Variants in TMEM117 observed in about 807,000 individuals in gnomAD.
TMEM117 encodes the protein transmembrane protein 117.
TMEM117 carries 27 observed loss-of-function variants against 52.4 expected under a neutral mutation model. That is an observed-to-expected ratio of 0.51 (90% CI 0.38 to 0.71). The LOEUF is 0.71. TMEM117 is among the 30% of genes least tolerant of loss of function. The pLI is 0.00. For missense variants in TMEM117, 556 were observed against 630.5 expected (o/e 0.88, Z 1.26); for synonymous variants, 215 against 206.3 (o/e 1.04, Z -0.36).
At chr12:44,055,910 A>G (rs1278950985) in intron 3 of TMEM117, among the ~76,000 whole-genome samples, 2 of 152,124 alleles carry the variant, frequency 1.3e-5, no homozygotes, top group Non-Finnish European at 1.5e-5. Context: ...AATTATATAA[A>G]CTGTTACACT....
chr12:44,080,527 T>C (rs1328587771), intron 3 of TMEM117, among the ~76,000 whole-genome samples: 1 of 152,142 alleles, frequency 6.6e-6, no homozygotes, highest in East Asian at 1.9e-4. Context: ...TCACATGTTA[T>C]GCATAAAGAT....
intron 6 of TMEM117, among the ~76,000 whole-genome samples, chr12:44,364,551 A>G (rs1457622406): frequency 1.3e-5 from 2 of 152,104 alleles, no homozygotes; most frequent in Non-Finnish European, 2.9e-5. Context: ...AAAGAAGGAT[A>G]TTTAATAAAA....
intron 3 of TMEM117, among the ~76,000 whole-genome samples, chr12:44,134,177 C>T (rs535009427): frequency 4.6e-5 from 7 of 152,294 alleles, no homozygotes; most frequent in Admixed American, 3.9e-4. Flanking sequence ...GTTTGTCCCA[C>T]ATCTCTCAAA....
chr12:44,019,513 A>C (rs529963966), intron 3 of TMEM117, among the ~76,000 whole-genome samples: 181 of 152,198 alleles, frequency 1.2e-3, no homozygotes, highest in African/African-American at 4.2e-3. Flanking sequence ...TCTCTTCTCT[A>C]TACATTTCTC....
chr12:44,342,555 C>A (rs776227338), intron 6 of TMEM117, among the ~76,000 whole-genome samples: 3 of 149,452 alleles, frequency 2.0e-5, no homozygotes, highest in Admixed American at 6.7e-5. Context: ...GGTCAGCCTG[C>A]AACAATTTGC....
chr12:44,204,860 A>G (rs770912358), intron 4 of TMEM117, among the ~76,000 whole-genome samples: 6 of 152,134 alleles, frequency 3.9e-5, no homozygotes, highest in Non-Finnish European at 8.8e-5. Flanking sequence ...ATGCAGAAGA[A>G]TGGAACCGGC....
At chr12:43,991,334 G>A (rs372265132) in intron 3 of TMEM117, among the ~76,000 whole-genome samples, 4 of 152,156 alleles carry the variant, frequency 2.6e-5, no homozygotes, top group Non-Finnish European at 4.4e-5. Flanking sequence ...TTGACAAATC[G>A]TCACATAGTC....
chr12:44,373,564 G>A (rs1372764728), intron 6 of TMEM117, among the ~76,000 whole-genome samples: 1 of 152,058 alleles, frequency 6.6e-6, no homozygotes, highest in East Asian at 1.9e-4. Context: ...CATTTTTGTT[G>A]GACATTCACC....
intron 2 of TMEM117, among the ~76,000 whole-genome samples, chr12:43,907,492 C>T (rs368687537): frequency 3.6e-4 from 55 of 151,624 alleles, no homozygotes; most frequent in East Asian, 2.1e-3. Context: ...CAAAGCTGGA[C>T]GGAGAATGAC....
intron 4 of TMEM117, among the ~76,000 whole-genome samples, chr12:44,195,630 A>G (rs1465873146): frequency 6.6e-6 from 1 of 151,338 alleles, no homozygotes; most frequent in Non-Finnish European, 1.5e-5. Context: ...ATATAGTTAT[A>G]TTGCTGTCTA....
chr12:44,231,581 C>T (rs1322561801), intron 5 of TMEM117, among the ~76,000 whole-genome samples: 1 of 151,754 alleles, frequency 6.6e-6, no homozygotes, highest in Non-Finnish European at 1.5e-5. Flanking sequence ...TTTACACCCC[C>T]ACAATTAGTG....
intron 3 of TMEM117, among the ~76,000 whole-genome samples, chr12:44,129,967 A>G (rs1325824835): frequency 6.6e-6 from 1 of 152,122 alleles, no homozygotes; most frequent in Admixed American, 6.6e-5. Flanking sequence ...TATTTCACTA[A>G]TTGCACAGCC....
chr12:43,932,929 G>A (rs1038989396), intron 2 of TMEM117, among the ~76,000 whole-genome samples: 1 of 152,100 alleles, frequency 6.6e-6, no homozygotes, highest in Non-Finnish European at 1.5e-5. Flanking sequence ...GAATGCATAG[G>A]TACAAATAAT....
intron 6 of TMEM117, among the ~76,000 whole-genome samples, chr12:44,323,486 A>G (rs1951159090): frequency 6.6e-6 from 1 of 152,058 alleles, no homozygotes; most frequent in Admixed American, 6.6e-5. Context: ...ATATTGTTTT[A>G]TGAACATCCA....
intron 3 of TMEM117, among the ~76,000 whole-genome samples, chr12:44,029,545 T>TG (rs1332472631): frequency 4.6e-5 from 7 of 152,264 alleles, no homozygotes; most frequent in African/African-American, 7.2e-5. Flanking sequence ...TTGGCTGCAA[T>TG]GGGGGGTCTT....
In TMEM117 at chr12:43,872,817, A is replaced by G. The variant is rs537626333; in HGVS notation, c.277+27889A>G. On this transcript the variant is annotated intron_variant, in intron 2 of 7. Coordinates refer to ENST00000266534, the MANE Select transcript of TMEM117 (RefSeq NM_032256.3). ...CAGTCTTTGAATTCTTAATACCTTA[A>G]TAGCAATATGAAATTTCTGTAAAAT... Among the ~76,000 whole-genome samples, 3 of 152,362 alleles carry G rather than the reference A, an allele frequency of 2.0e-5. No homozygotes were observed. In the South Asian group the frequency reaches 6.2e-4, roughly 32 times the overall value.
chr12:44,028,894 TG>T (rs1403107719), intron 3 of TMEM117, among the ~76,000 whole-genome samples: 1 of 152,196 alleles, frequency 6.6e-6, no homozygotes, highest in Non-Finnish European at 1.5e-5. Context: ...CTGGTGACCA[TG>T]GAAGGTACTA....
chr12:44,382,309 A>G (rs955751299), intron 7 of TMEM117, among the ~76,000 whole-genome samples: 2 of 152,228 alleles, frequency 1.3e-5, no homozygotes, highest in Non-Finnish European at 2.9e-5. Flanking sequence ...CTCGAAATAT[A>G]TAATTATTCA....
At chr12:43,860,480 T>G (rs1943470167) in intron 2 of TMEM117, among the ~76,000 whole-genome samples, 5 of 152,126 alleles carry the variant, frequency 3.3e-5, no homozygotes, top group Admixed American at 3.3e-4. Context: ...TGGTGAATAA[T>G]AAAGCAGGGA....
Sources: gnomAD v4.1 joint callset for allele counts (sites outside exome capture counted in the v4.1 genomes callset) on GRCh38, gnomAD v4.1.1 for gene constraint, MANE v1.5 for transcripts, NCBI Gene and HGNC (gene_info 2026-07-23, HGNC 2026-07-21) for gene names.